The following FNIP2 variants were observed in gnomAD, a reference collection of about 807,000 sequenced individuals.
FNIP2 encodes the protein folliculin-interacting protein 2.
A neutral mutation model predicts 108.7 loss-of-function variants in FNIP2; 32 were observed. The observed-to-expected ratio is 0.29, with a 90% CI of 0.22 to 0.40. FNIP2 has a LOEUF of 0.40. Among genes scored for constraint, FNIP2 ranks in the 10% least tolerant of loss-of-function variants. The pLI is 1.00. For missense variants in FNIP2, 1,202 were observed against 1,381.6 expected (o/e 0.87, Z 2.06); for synonymous variants, 480 against 496.7 (o/e 0.97, Z 0.45).
intron 3 of FNIP2, among the ~76,000 whole-genome samples, chr4:158,830,557 C>T (rs540112775): frequency 3.2e-4 from 48 of 152,260 alleles, no homozygotes; most frequent in Middle Eastern, 3.4e-3. Flanking sequence ...CCACCGCGCC[C>T]GGCCCAGATT....
chr4:158,786,941 A>G (rs1160842218), intron 1 of FNIP2, among the ~76,000 whole-genome samples: 1 of 151,546 alleles, frequency 6.6e-6, no homozygotes, highest in African/African-American at 2.4e-5. Flanking sequence ...AGTGGGAGAG[A>G]TTATCTTCAG....
intron 8 of FNIP2, 62 bp downstream of exon 8, chr4:158,851,512 C>T: frequency 5.7e-6 from 9 of 1,590,846 alleles, no homozygotes; most frequent in Non-Finnish European, 7.7e-6. Context: ...ATGAAACTGG[C>T]AGGGAGGCTG....
chr4:158,785,364 A>G (rs1243165478), intron 1 of FNIP2, among the ~76,000 whole-genome samples: 1 of 152,116 alleles, frequency 6.6e-6, no homozygotes, highest in Non-Finnish European at 1.5e-5. Flanking sequence ...GATTACAGGC[A>G]TGAGCCACCG....
At chr4:158,769,488 C>A (rs59971723) in intron 1 of FNIP2, among the ~76,000 whole-genome samples, 169 bp downstream of exon 1, 44,425 of 152,072 alleles carry the variant, frequency 0.29, 7,216 homozygotes, top group Non-Finnish European at 0.38. Flanking sequence ...CCGAGTGTGG[C>A]TCCGGACCCT....
At chr4:158,842,767 A>G (rs1479574893) in intron 7 of FNIP2, among the ~76,000 whole-genome samples, 1 of 152,178 alleles carries the variant, frequency 6.6e-6, no homozygotes, top group African/African-American at 2.4e-5. Context: ...TTTTGAAATC[A>G]AGGTGGTAAG....
chr4:158,830,248 CTTTTTTTTTTTTT>C (rs35746599), intron 3 of FNIP2, among the ~76,000 whole-genome samples: 3 of 64,012 alleles, frequency 4.7e-5, no homozygotes, highest in Non-Finnish European at 5.6e-5. Context: ...ATTTATCTTT[CTTTTTTTTTTTTT>C]TTTTTTTTTT....
intron 1 of FNIP2, among the ~76,000 whole-genome samples, chr4:158,780,928 A>G (rs1488273219): frequency 6.6e-6 from 1 of 151,710 alleles, no homozygotes; most frequent in East Asian, 1.9e-4. Flanking sequence ...CCAGCTACTC[A>G]GGAGGCTGAG....
intron 14 of FNIP2, among the ~76,000 whole-genome samples, chr4:158,873,154 AAAAAG>A (rs1781055710): frequency 6.6e-6 from 1 of 151,650 alleles, no homozygotes; most frequent in African/African-American, 2.4e-5. Context: ...TTAAAAAAAA[AAAAAG>A]AAAAAACAAA....
chr4:158,884,160 ATATT>A (rs1781887665), intron 14 of FNIP2, among the ~76,000 whole-genome samples: 1 of 152,196 alleles, frequency 6.6e-6, no homozygotes, highest in African/African-American at 2.4e-5. Flanking sequence ...GAAAAGAAAT[ATATT>A]AATTATGGTG....
rs1472020373 is a variant in FNIP2, at chr4:158,829,604, AC to A, written c.381+381del. ...TGGGCATCCTAAGAAAATAGAACATACCAGTAAAAGGAAGAAAGCCTTGTAT... is the reference window on the plus strand; with the variant it reads ...TGGGCATCCTAAGAAAATAGAACATACAGTAAAAGGAAGAAAGCCTTGTAT... On this transcript the variant is annotated intron_variant, in intron 3 of 16. Transcript: ENST00000264433. Among the ~76,000 whole-genome samples, 10 of 152,294 alleles carry A rather than the reference AC, an allele frequency of 6.6e-5. No homozygotes were observed. The East Asian group carries it at 1.9e-3, about 29-fold the overall frequency.
chr4:158,832,507 C>T (rs1778541126), intron 5 of FNIP2, among the ~76,000 whole-genome samples: 1 of 152,294 alleles, frequency 6.6e-6, no homozygotes, highest in East Asian at 1.9e-4. Context: ...TTTGAACTTT[C>T]AAGCAGAAAT....
chr4:158,871,142 A>T (rs529395154), intron 14 of FNIP2, among the ~76,000 whole-genome samples: 64 of 152,348 alleles, frequency 4.2e-4, no homozygotes, highest in Middle Eastern at 3.4e-3. Context: ...GGATGACTGT[A>T]TAAAGATTAA....
intron 14 of FNIP2, among the ~76,000 whole-genome samples, chr4:158,885,881 G>A (rs1782000368): frequency 6.6e-6 from 1 of 152,188 alleles, no homozygotes; most frequent in South Asian, 2.1e-4. Context: ...CAGAACCACA[G>A]CTCTTGCGAT....
intron 14 of FNIP2, among the ~76,000 whole-genome samples, chr4:158,871,025 G>A (rs1182881657): frequency 6.6e-6 from 1 of 152,242 alleles, no homozygotes; most frequent in African/African-American, 2.4e-5. Context: ...GGTGAGGACC[G>A]AAGAGGTGTC....
intron 14 of FNIP2, among the ~76,000 whole-genome samples, chr4:158,877,777 T>G (rs1421254576): frequency 4.6e-5 from 7 of 152,156 alleles, no homozygotes; most frequent in Non-Finnish European, 8.8e-5. Flanking sequence ...GTAGTCAAAA[T>G]CTGAAGTAGA....
At chr4:158,885,349 T>C (rs952701425) in intron 14 of FNIP2, among the ~76,000 whole-genome samples, 17 of 152,112 alleles carry the variant, frequency 1.1e-4, no homozygotes, top group Non-Finnish European at 4.4e-5. Flanking sequence ...TATGTACAGA[T>C]TGGGTGGGCC....
chr4:158,868,704 A>G lies in FNIP2; in HGVS notation c.2068A>G (p.Met690Val). Residue 690 changes from methionine (M) to valine (V), a missense_variant, in exon 13 of 17, where the codon ATG becomes GTG. Physicochemically the swap from Met to Val is conservative, Grantham distance 21 (BLOSUM62 1). Around this residue, in one of 5 missense-constraint regions of FNIP2, gnomAD observed 878 missense variants for 990.3 expected, o/e 0.89. Coordinates refer to ENST00000264433, the MANE Select transcript of FNIP2 (RefSeq NM_020840.3). The surrounding 1 kb of genome is among the most constrained non-coding windows in gnomAD (Gnocchi z 4.6). ...QAVCELLKVE[M>V]PTRLPDRSVA... ...TGTCTGTGAGCTGTTGAAAGTGGAG[A>G]TGCCTACAAGACTGCCAGACCGGTC... is the stretch of plus-strand genomic sequence containing the variant. 6.2e-7 allele frequency: 1 copy of G among 1,613,988 alleles called. No individual in the cohort carries two copies. The highest frequency in any genetic ancestry group is 1.7e-5 in the Admixed American group (1 of 60,028).
Position 158,829,173 on chromosome 4 carries a change from GTTC to G in FNIP2, c.334_336del (p.Ser112del). ...AGCAGCAGCAGCATCTCTTCCCACA[GTTC>G]TTCTGGGGGATCTTCACATCATGCT... is the stretch of plus-strand genomic sequence containing the variant. On this transcript the variant is annotated inframe_deletion, in exon 3 of 17. Coordinates refer to ENST00000264433, the MANE Select transcript of FNIP2 (RefSeq NM_020840.3). 1 of 1,613,186 alleles carries G rather than the reference GTTC, an allele frequency of 6.2e-7. No individual in the cohort carries two copies. Among genetic ancestry groups the G allele is most frequent in the Middle Eastern group, 1.7e-4 (1 of 6,040 alleles).
intron 16 of FNIP2, among the ~76,000 whole-genome samples, chr4:158,897,737 A>C (rs1164958050): frequency 6.6e-6 from 1 of 152,190 alleles, no homozygotes; most frequent in Non-Finnish European, 1.5e-5. Context: ...TCTGGATATT[A>C]GCCCTTTATC....
Sources: gnomAD v4.1 joint callset for allele counts (sites outside exome capture counted in the v4.1 genomes callset) on GRCh38, gnomAD v4.1.1 for gene constraint, gnomAD v4.1.1 regional missense constraint, Gnocchi (gnomAD v3.1) non-coding constraint, MANE v1.5 for transcripts, NCBI Gene and HGNC (gene_info 2026-07-23, HGNC 2026-07-21) for gene names.